HEATR4: variants seen among roughly 807,000 people sequenced by gnomAD.
HEATR4 encodes the protein HEAT repeat containing 4, also known as HEAT repeat-containing protein 4.
A neutral mutation model predicts 108.8 loss-of-function variants in HEATR4; 95 were observed. The ratio of observed to expected loss-of-function variants is 0.87; its 90% CI spans 0.74 to 1.04. The LOEUF (loss-of-function observed/expected upper bound fraction) is 1.04. Among genes scored for constraint, HEATR4 ranks in the 50% least tolerant of loss-of-function variants. The pLI, the probability that HEATR4 is intolerant of heterozygous loss-of-function variation, is 0.00. For synonymous variants in HEATR4, 443 were observed against 459.4 expected, an observed-to-expected ratio of 0.96 and a Z score of 0.46; for missense variants, 1,152 against 1,253.8, an observed-to-expected ratio of 0.92 and a Z score of 1.23.
chr14:73,582,021 ACCCTGG>A, the HEATR4 span: 1 of 104,786 alleles, frequency 9.5e-6, no homozygotes, highest in African/African-American at 4.1e-5. Context: ...AACATCAGGG[ACCCTGG>A]CCCAAGCCCT....
At chr14:73,491,839 C>A (rs1885773532) in intron 17 of HEATR4, 1 of 1,608,634 alleles carries the variant, frequency 6.2e-7, no homozygotes, top group Non-Finnish European at 8.5e-7. Flanking sequence ...GACGCGAGAC[C>A]CTGAACCCAC....
chr14:73,538,511 G>C (rs1248675480), intron 1 of HEATR4, among the ~76,000 whole-genome samples: 2 of 109,464 alleles, frequency 1.8e-5, no homozygotes, highest in Non-Finnish European at 3.9e-5. Context: ...TACTCGGGAC[G>C]CTGAGGCAGA....
intron 17 of HEATR4, chr14:73,491,982 T>C (rs761919418): frequency 3.7e-6 from 6 of 1,613,952 alleles, no homozygotes; most frequent in Middle Eastern, 1.6e-4. Flanking sequence ...TTTGGAAGCA[T>C]GGCAGGCTCC....
the HEATR4 span, chr14:73,595,142 G>A: frequency 1.2e-6 from 2 of 1,614,236 alleles, no homozygotes; most frequent in African/African-American, 2.7e-5. Context: ...CTCAGCCACA[G>A]TTTCCATCAA....
At chr14:73,600,329 C>A in the HEATR4 span, among the ~76,000 whole-genome samples, 1 of 152,056 alleles carries the variant, frequency 6.6e-6, no homozygotes, top group Non-Finnish European at 1.5e-5. Flanking sequence ...AATGAGTTAG[C>A]AATTAAATTT....
chr14:73,621,417 G>A, the HEATR4 span, among the ~76,000 whole-genome samples: 1 of 152,076 alleles, frequency 6.6e-6, no homozygotes, highest in Non-Finnish European at 1.5e-5. Flanking sequence ...TACCAAATCG[G>A]ACTTCCTCCC....
chr14:73,621,349 G>A, the HEATR4 span, among the ~76,000 whole-genome samples: 1 of 152,188 alleles, frequency 6.6e-6, no homozygotes, highest in Admixed American at 6.6e-5. Context: ...TTGATGCCAA[G>A]ATTTTCAGGA....
chr14:73,511,921 A>C, intron 7 of HEATR4, 85 bp downstream of exon 7: 3 of 1,540,274 alleles, frequency 1.9e-6, no homozygotes, highest in Non-Finnish European at 2.7e-6. Flanking sequence ...ATGATCTCAG[A>C]TAAGCCCTGG....
the HEATR4 span, among the ~76,000 whole-genome samples, chr14:73,614,912 C>T: frequency 6.7e-6 from 1 of 148,354 alleles, no homozygotes; most frequent in African/African-American, 2.5e-5. Context: ...GCCTGACCAA[C>T]ATGGTGAAAC....
At chr14:73,595,480 T>G in the HEATR4 span, 1 of 1,613,964 alleles carries the variant, frequency 6.2e-7, no homozygotes, top group African/African-American at 1.3e-5. Flanking sequence ...ACATCGAGCC[T>G]CCTTACTTCC....
intron 2 of HEATR4, among the ~76,000 whole-genome samples, chr14:73,523,983 T>TA (rs1348454974): frequency 6.6e-6 from 1 of 152,122 alleles, no homozygotes; most frequent in African/African-American, 2.4e-5. Flanking sequence ...ACATAGTTTT[T>TA]ATTGTTAAAA....
At chr14:73,515,145 C>T (rs1324517921) in intron 5 of HEATR4, among the ~76,000 whole-genome samples, 1 of 151,528 alleles carries the variant, frequency 6.6e-6, no homozygotes, top group African/African-American at 2.4e-5. Flanking sequence ...ATTTAGAAAG[C>T]CTCTTTCTCA....
In HEATR4 at chr14:73,556,083, G is replaced by A; in HGVS notation, c.-152+2668C>T. On this transcript the variant is annotated intron_variant, in intron 1 of 17. Coordinates refer to ENST00000553558, the MANE Select transcript of HEATR4 (RefSeq NM_001220484.1). ...GACATAAAGAATCTTTAGTTACAAT[G>A]CAAACATCCCAGAAAGAATACCATA... Among the ~76,000 whole-genome samples, 2 of 114,030 alleles carry A rather than the reference G, an allele frequency of 1.8e-5. 1 individual carries two copies. The highest frequency in any genetic ancestry group is 3.9e-5 in the Non-Finnish European group (2 of 51,936). The allele number at this position is 114,030 out of a possible 152,430, so 74.8% of individuals were successfully genotyped here. A position where few individuals can be genotyped will look rare whatever the true frequency, so the allele number is the denominator to read the frequency against.
the HEATR4 span, chr14:73,568,270 T>A: frequency 6.6e-6 from 1 of 152,038 alleles, no homozygotes; most frequent in Non-Finnish European, 1.5e-5. Context: ...AGCCTACACA[T>A]TTATAGCTTT....
At chr14:73,590,147 T>C in the HEATR4 span, among the ~76,000 whole-genome samples, 3 of 152,196 alleles carry the variant, frequency 2.0e-5, no homozygotes, top group African/African-American at 4.8e-5. Context: ...TTCCCTTATC[T>C]GGCCCCACCC....
the HEATR4 span, chr14:73,612,686 C>A: frequency 7.1e-7 from 1 of 1,406,566 alleles, no homozygotes; most frequent in Non-Finnish European, 9.2e-7. Flanking sequence ...CACGTCCCTG[C>A]GCGACGAAGA....
intron 5 of HEATR4, among the ~76,000 whole-genome samples, chr14:73,518,061 G>C (rs774695879): frequency 6.6e-6 from 1 of 152,170 alleles, no homozygotes; most frequent in African/African-American, 2.4e-5. Flanking sequence ...ACTCCAGCCT[G>C]GGCGACAGAG....
At chr14:73,506,804 G>GTTTTTCTTTTTTTTTTT (rs1886865104) in intron 9 of HEATR4, among the ~76,000 whole-genome samples, 1 of 80,522 alleles carries the variant, frequency 1.2e-5, no homozygotes, top group African/African-American at 4.9e-5. Context: ...GACTTTAACT[G>GTTTTTCTTTTTTTTTTT]TTTTTTTTTT....
In HEATR4 at chr14:73,551,231, T is replaced by G. The variant is rs1359012860; in HGVS notation, c.-152+7520A>C. Among the ~76,000 whole-genome samples, 2 of 114,094 alleles carry G rather than the reference T, an allele frequency of 1.8e-5. 1 individual carries two copies. The highest frequency in any genetic ancestry group is 3.8e-5 in the Non-Finnish European group (2 of 52,468). 74.9% of individuals were successfully genotyped at this position (114,094 alleles called of 152,430 possible). On this transcript the variant is annotated intron_variant, in intron 1 of 17. Transcript: ENST00000553558. ...AATCCCCTTTACCCCAACTAGTCAA[T>G]GAGCCCAATTTTCTAGCCCTTTACC...
Sources: gnomAD v4.1 joint callset for allele counts (sites outside exome capture counted in the v4.1 genomes callset) on GRCh38, gnomAD v4.1.1 for gene constraint, MANE v1.5 for transcripts, NCBI Gene and HGNC (gene_info 2026-07-23, HGNC 2026-07-21) for gene names.